SPAG16: variants seen among roughly 807,000 people sequenced by gnomAD.
The protein encoded by SPAG16 is sperm-associated antigen 16 protein.
In SPAG16, 86 loss-of-function variants were observed where a neutral mutation model predicts 80.4. The ratio of observed to expected loss-of-function variants is 1.07; its 90% CI spans 0.90 to 1.28. The LOEUF (loss-of-function observed/expected upper bound fraction) is 1.28. SPAG16 is among the 50% of genes most tolerant of loss of function. SPAG16 has a pLI of 0.00. For synonymous variants in SPAG16, 294 were observed against 265.9 expected, an observed-to-expected ratio of 1.11 and a Z score of -1.03; for missense variants, 870 against 765.3, an observed-to-expected ratio of 1.14 and a Z score of -1.61.
intron 10 of SPAG16, among the ~76,000 whole-genome samples, chr2:213,592,659 C>G (rs1016028949): frequency 6.6e-6 from 1 of 152,152 alleles, no homozygotes; most frequent in African/African-American, 2.4e-5. Context: ...ACAGGAACAT[C>G]TTCATTTGAA....
intron 10 of SPAG16, among the ~76,000 whole-genome samples, chr2:213,804,124 G>C (rs766151910): frequency 6.6e-6 from 1 of 152,096 alleles, no homozygotes. Context: ...AGTGGGCCAC[G>C]TACTAGGGGA....
chr2:214,273,375 G>C (rs927770184), intron 15 of SPAG16, among the ~76,000 whole-genome samples: 1 of 152,158 alleles, frequency 6.6e-6, no homozygotes, highest in Non-Finnish European at 1.5e-5. Flanking sequence ...CCATGCCTAT[G>C]TCCTGAATGG....
At chr2:213,546,026 C>T (rs1184404801) in intron 10 of SPAG16, among the ~76,000 whole-genome samples, 1 of 151,946 alleles carries the variant, frequency 6.6e-6, no homozygotes, top group African/African-American at 2.4e-5. Flanking sequence ...GGTGCCTTAC[C>T]TTTGCCTTAC....
Position 213,397,858 on chromosome 2 carries a change from T to G in SPAG16, c.942+22739T>G, listed in dbSNP as rs530948015. On this transcript the variant is annotated intron_variant, in intron 9 of 15. Coordinates refer to ENST00000331683, the MANE Select transcript of SPAG16 (RefSeq NM_024532.5). ...GCTTTAAATTCTGCCTATATATTAATTATCCCTTAATTTACATCTTCAACT... is the reference window on the plus strand; with the variant it reads ...GCTTTAAATTCTGCCTATATATTAAGTATCCCTTAATTTACATCTTCAACT... Among the ~76,000 whole-genome samples the G allele has an allele frequency of 4.7e-4, 72 of 152,310 alleles. No homozygotes were observed. In the South Asian group the frequency reaches 9.3e-3, roughly 20 times the overall value.
chr2:213,726,850 A>T (rs2066790454), intron 10 of SPAG16, among the ~76,000 whole-genome samples: 1 of 152,230 alleles, frequency 6.6e-6, no homozygotes, highest in South Asian at 2.1e-4. Flanking sequence ...ATGTCAGATT[A>T]TTTTGTTCCA....
intron 15 of SPAG16, among the ~76,000 whole-genome samples, chr2:214,263,301 C>T (rs1460702529): frequency 6.6e-6 from 1 of 152,054 alleles, no homozygotes; most frequent in Non-Finnish European, 1.5e-5. Flanking sequence ...TCTGTCCTCT[C>T]CGGTGAATTC....
intron 13 of SPAG16, among the ~76,000 whole-genome samples, chr2:214,063,172 G>A (rs2050365563): frequency 6.6e-6 from 1 of 152,200 alleles, no homozygotes; most frequent in African/African-American, 2.4e-5. Flanking sequence ...CAATAGCCAT[G>A]TGTGATAAAT....
At chr2:213,327,003 A>G (rs568880686) in intron 5 of SPAG16, among the ~76,000 whole-genome samples, 29 of 152,118 alleles carry the variant, frequency 1.9e-4, no homozygotes, top group African/African-American at 6.7e-4. Flanking sequence ...AGACTTTGAT[A>G]TGCTGGTTTC....
intron 9 of SPAG16, among the ~76,000 whole-genome samples, chr2:213,483,424 C>T (rs977342210): frequency 6.6e-6 from 1 of 152,110 alleles, no homozygotes; most frequent in African/African-American, 2.4e-5. Flanking sequence ...TATGAGAGCA[C>T]CTGTACAAAT....
intron 11 of SPAG16, among the ~76,000 whole-genome samples, chr2:213,879,128 T>C (rs1004093978): frequency 4.2e-5 from 4 of 94,498 alleles, no homozygotes; most frequent in African/African-American, 1.1e-4. Flanking sequence ...CTTTGTCTAT[T>C]TGAGCTCTTT....
chr2:214,043,577 G>C (rs1313302657), intron 13 of SPAG16, among the ~76,000 whole-genome samples: 3 of 152,056 alleles, frequency 2.0e-5, no homozygotes, highest in African/African-American at 7.2e-5. Flanking sequence ...AAAAATTGAT[G>C]TAATGGAAAT....
At chr2:214,200,254 A>G (rs79974059) in intron 15 of SPAG16, among the ~76,000 whole-genome samples, 1,523 of 152,236 alleles carry the variant, frequency 0.01, 13 homozygotes, top group Admixed American at 0.019. Flanking sequence ...ACTCGAAGGT[A>G]AGTCTGTTCT....
At chr2:213,642,978 A>G (rs1334828845) in intron 10 of SPAG16, among the ~76,000 whole-genome samples, 1 of 151,316 alleles carries the variant, frequency 6.6e-6, no homozygotes, top group African/African-American at 2.4e-5. Flanking sequence ...CAGCCTGCAG[A>G]TGGCTTATTG....
intron 10 of SPAG16, among the ~76,000 whole-genome samples, chr2:213,492,685 G>GTTT (rs11421804): frequency 4.4e-5 from 6 of 136,310 alleles, no homozygotes; most frequent in African/African-American, 5.4e-5. Context: ...AAAGAAAGTT[G>GTTT]TTTTTTTTTT....
intron 15 of SPAG16, among the ~76,000 whole-genome samples, chr2:214,250,747 T>TAGAGAGAG (rs1175910690): frequency 7.9e-4 from 71 of 90,440 alleles, no homozygotes; most frequent in Non-Finnish European, 1.4e-3. Context: ...TATATATATA[T>TAGAGAGAG]ATATATATAT....
chr2:214,282,135 C>A (rs1692994001), intron 15 of SPAG16, among the ~76,000 whole-genome samples: 1 of 152,114 alleles, frequency 6.6e-6, no homozygotes. Flanking sequence ...GAATTGTACA[C>A]TTTATATGTG....
chr2:214,407,106 C>T (rs1702036019), intron 15 of SPAG16, among the ~76,000 whole-genome samples: 1 of 151,916 alleles, frequency 6.6e-6, no homozygotes. Context: ...GATGTTTAAA[C>T]ATTTATCTGT....
At chr2:214,157,694 A>G (rs1322703849) in intron 15 of SPAG16, among the ~76,000 whole-genome samples, 1 of 152,136 alleles carries the variant, frequency 6.6e-6, no homozygotes, top group Non-Finnish European at 1.5e-5. Context: ...GATGACTCAT[A>G]AATTATGATA....
chr2:213,731,507 T>C (rs1257443023), intron 10 of SPAG16, among the ~76,000 whole-genome samples: 1 of 151,176 alleles, frequency 6.6e-6, no homozygotes, highest in Non-Finnish European at 1.5e-5. Context: ...CAGGGGTACA[T>C]GTGCAGGATG....
Sources: gnomAD v4.1 joint callset for allele counts (sites outside exome capture counted in the v4.1 genomes callset) on GRCh38, gnomAD v4.1.1 for gene constraint, MANE v1.5 for transcripts, NCBI Gene and HGNC (gene_info 2026-07-23, HGNC 2026-07-21) for gene names.